TTC33: variants seen among roughly 807,000 people sequenced by gnomAD.
The protein encoded by TTC33 is tetratricopeptide repeat domain 33.
TTC33 carries 24 observed loss-of-function variants against 29.4 expected under a neutral mutation model. The observed-to-expected ratio is 0.82, with a 90% CI of 0.59 to 1.15. The LOEUF (loss-of-function observed/expected upper bound fraction) is 1.15, where lower values mean the gene tolerates loss of function less well. Ranked by LOEUF, TTC33 falls within the 50% of genes most tolerant of loss-of-function variation. The probability of loss-of-function intolerance (pLI) is 0.00; values close to 1 mark genes in which losing one functional copy is unlikely to be tolerated. For synonymous variants in TTC33, 107 were observed against 100.3 expected (o/e 1.07, Z -0.40); for missense variants, 286 against 310.4 (o/e 0.92, Z 0.59).
chr5:40,749,914 C>T (rs1742862513), intron 1 of TTC33, among the ~76,000 whole-genome samples: 1 of 151,650 alleles, frequency 6.6e-6, no homozygotes, highest in African/African-American at 2.4e-5. Flanking sequence ...ATGGTGAAAC[C>T]CCGTCTCTAC....
chr5:40,750,225 T>A (rs1742869293), intron 1 of TTC33, among the ~76,000 whole-genome samples: 1 of 152,184 alleles, frequency 6.6e-6, no homozygotes, highest in South Asian at 2.1e-4. Context: ...GGCTGTTGAC[T>A]GATCAGGGTG....
intron 3 of TTC33, among the ~76,000 whole-genome samples, chr5:40,729,330 G>A (rs892613440): frequency 6.6e-6 from 1 of 152,148 alleles, no homozygotes; most frequent in Non-Finnish European, 1.5e-5. Flanking sequence ...TATTTGTTAG[G>A]TGTGCAGATT....
At position 40,716,151 on chromosome 5, in the gene TTC33, G is replaced by T. The variant is rs777227707; in HGVS notation, c.783C>A (p.Ala261=). Residue 261 remains alanine (A), a synonymous_variant, in exon 5 of 5, where the codon GCC becomes GCA. Transcript: ENST00000337702. ...TPPDGSVFIK[A]R is the part of the protein sequence containing the mutation. The stretch of plus-strand genomic sequence containing the variant: ...TAATCCTATGCATACTGCTTCATCG[G>T]GCTTTGATAAAAACAGAGCCATCTG... The T allele has an allele frequency of 2.5e-6, 4 of 1,598,366 alleles. No individual in the cohort carries two copies. The highest frequency in any genetic ancestry group is 3.4e-6 in the Non-Finnish European group (4 of 1,170,790).
At chr5:40,723,476 C>T (rs1742202317) in intron 4 of TTC33, among the ~76,000 whole-genome samples, 1 of 146,388 alleles carries the variant, frequency 6.8e-6, no homozygotes, top group Non-Finnish European at 1.5e-5. Context: ...AACCTCAAAG[C>T]ATAGGTTTAA....
At chr5:40,753,240 T>G (rs926168026) in intron 1 of TTC33, among the ~76,000 whole-genome samples, 14 of 152,112 alleles carry the variant, frequency 9.2e-5, no homozygotes, top group African/African-American at 2.9e-4. Context: ...GGCACATGCC[T>G]GTAATCCCAG....
intron 4 of TTC33, among the ~76,000 whole-genome samples, chr5:40,726,948 A>G (rs897624148): frequency 2.6e-5 from 4 of 152,152 alleles, no homozygotes; most frequent in Non-Finnish European, 5.9e-5. Context: ...GTAAAAAGAG[A>G]GAAGTTGACA....
Sources: gnomAD v4.1 joint callset for allele counts (sites outside exome capture counted in the v4.1 genomes callset) on GRCh38, gnomAD v4.1.1 for gene constraint, MANE v1.5 for transcripts, NCBI Gene and HGNC (gene_info 2026-07-23, HGNC 2026-07-21) for gene names.